The following TRAPPC9 variants were observed in gnomAD, a reference collection of about 807,000 sequenced individuals.
The protein encoded by TRAPPC9 is trafficking protein particle complex subunit 9, also known as IKK2 binding protein.
A neutral mutation model predicts 124.0 loss-of-function variants in TRAPPC9; 83 were observed. That is an observed-to-expected ratio of 0.67 (90% CI 0.56 to 0.80). The LOEUF (loss-of-function observed/expected upper bound fraction) is 0.80. Ranked by LOEUF, TRAPPC9 falls within the 30% of genes least tolerant of loss-of-function variation. TRAPPC9 has a pLI of 0.00. For missense variants in TRAPPC9, 1,302 were observed against 1,508.3 expected, an observed-to-expected ratio of 0.86 and a Z score of 2.27; for synonymous variants, 638 against 617.5, an observed-to-expected ratio of 1.03 and a Z score of -0.49.
At chr8:139,893,834 T>C (rs1486710436) in intron 20 of TRAPPC9, among the ~76,000 whole-genome samples, 1 of 152,004 alleles carries the variant, frequency 6.6e-6, no homozygotes, top group Non-Finnish European at 1.5e-5. Context: ...CTCGGGAAGG[T>C]CAAACAACTT....
intron 17 of TRAPPC9, among the ~76,000 whole-genome samples, chr8:140,181,190 A>G (rs1255904727): frequency 6.6e-6 from 1 of 152,074 alleles, no homozygotes; most frequent in African/African-American, 2.4e-5. Context: ...AATTGCATCT[A>G]GTCTCTTCTT....
At chr8:140,156,604 G>T (rs969900317) in intron 17 of TRAPPC9, among the ~76,000 whole-genome samples, 9 of 152,152 alleles carry the variant, frequency 5.9e-5, no homozygotes, top group Middle Eastern at 3.2e-3. Context: ...TGTAATATTC[G>T]AATGGAACTG....
At chr8:139,750,710 A>G (rs1471899852) in intron 21 of TRAPPC9, among the ~76,000 whole-genome samples, 1 of 152,198 alleles carries the variant, frequency 6.6e-6, no homozygotes, top group Non-Finnish European at 1.5e-5. Flanking sequence ...GGGGGCAGGA[A>G]CACCCTGGGC....
intron 21 of TRAPPC9, among the ~76,000 whole-genome samples, chr8:139,808,676 C>CATTTCTGTAAATCTGTCTCTA (rs1824228902): frequency 6.8e-6 from 1 of 147,312 alleles, no homozygotes; most frequent in Admixed American, 6.7e-5. Context: ...TACAGATTTA[C>CATTTCTGTAAATCTGTCTCTA]CAATTCTGGA....
At chr8:139,781,499 A>G (rs1437107348) in intron 21 of TRAPPC9, among the ~76,000 whole-genome samples, 1 of 152,282 alleles carries the variant, frequency 6.6e-6, no homozygotes, top group East Asian at 1.9e-4. Flanking sequence ...CAGAGAATAG[A>G]GGACATTTAG....
At chr8:139,796,428 G>C (rs1010459029) in intron 21 of TRAPPC9, among the ~76,000 whole-genome samples, 4 of 152,136 alleles carry the variant, frequency 2.6e-5, no homozygotes, top group Non-Finnish European at 4.4e-5. Flanking sequence ...ATCCCCACCA[G>C]CCAGCAACCA....
chr8:140,158,558 G>A (rs2061692893), intron 17 of TRAPPC9, among the ~76,000 whole-genome samples: 1 of 152,210 alleles, frequency 6.6e-6, no homozygotes, highest in Non-Finnish European at 1.5e-5. Flanking sequence ...GTTGTTTTAA[G>A]CCACTGAGTT....
chr8:139,806,501 C>G (rs191248444), intron 21 of TRAPPC9, among the ~76,000 whole-genome samples: 7 of 152,314 alleles, frequency 4.6e-5, no homozygotes, highest in African/African-American at 1.7e-4. Flanking sequence ...GTAGCAGCAG[C>G]AACAGGATTA....
At chr8:139,945,543 C>CAAAAAAAAAAAAAAAAAAAAAAAAAAAA (rs61528944) in intron 19 of TRAPPC9, among the ~76,000 whole-genome samples, 1 of 66,170 alleles carries the variant, frequency 1.5e-5, no homozygotes, top group African/African-American at 6.9e-5. Flanking sequence ...GCACAATTAG[C>CAAAAAAAAAAAAAAAAAAAAAAAAAAAA]AAAAAAAAAA....
intron 10 of TRAPPC9, among the ~76,000 whole-genome samples, chr8:140,304,863 A>G (rs2131847278): frequency 6.6e-6 from 1 of 152,288 alleles, no homozygotes; most frequent in Middle Eastern, 3.4e-3. Context: ...AAGTCAGTCA[A>G]CAGCAGGCCA....
chr8:139,811,173 C>T (rs970000764), intron 21 of TRAPPC9, among the ~76,000 whole-genome samples: 13 of 151,962 alleles, frequency 8.6e-5, no homozygotes, highest in African/African-American at 3.1e-4. Flanking sequence ...TAAAAAGGAA[C>T]TGAGAACAAG....
At chr8:140,426,538 T>C in intron 5 of TRAPPC9, 77 bp downstream of exon 5, 1 of 1,360,628 alleles carries the variant, frequency 7.3e-7, no homozygotes, top group South Asian at 1.2e-5. Flanking sequence ...CCAGAAATTT[T>C]AACCATTCAT....
intron 19 of TRAPPC9, among the ~76,000 whole-genome samples, chr8:139,963,369 T>TAAAGGA (rs1835468089): frequency 6.6e-6 from 1 of 152,180 alleles, no homozygotes; most frequent in Non-Finnish European, 1.5e-5. Flanking sequence ...AACCCTAGGC[T>TAAAGGA]TCCCAAGGAT....
chr8:139,908,201 C>T (rs185606074), intron 20 of TRAPPC9, among the ~76,000 whole-genome samples: 62 of 152,224 alleles, frequency 4.1e-4, no homozygotes, highest in African/African-American at 1.5e-3. Flanking sequence ...TATCTGAGCC[C>T]AAAGAGAGAT....
chr8:139,794,838 A>G (rs1822936219), intron 21 of TRAPPC9, among the ~76,000 whole-genome samples: 2 of 152,244 alleles, frequency 1.3e-5, no homozygotes, highest in Non-Finnish European at 2.9e-5. Flanking sequence ...CTGCACAAGT[A>G]GCAGTGGATG....
intron 19 of TRAPPC9, chr8:139,914,720 C>CA (rs1363039857): frequency 2.0e-5 from 3 of 152,250 alleles, no homozygotes; most frequent in Admixed American, 2.0e-4. Flanking sequence ...ACGGCTTTCT[C>CA]AATGAGCAAG....
At chr8:140,196,210 G>A (rs2062663494) in intron 17 of TRAPPC9, among the ~76,000 whole-genome samples, 1 of 43,262 alleles carries the variant, frequency 2.3e-5, no homozygotes, top group Non-Finnish European at 4.2e-5. Flanking sequence ...TCACACCTGT[G>A]ACACTAAAAC....
intron 9 of TRAPPC9, among the ~76,000 whole-genome samples, chr8:140,333,125 C>A (rs370485552): frequency 1.3e-3 from 177 of 139,022 alleles, no homozygotes; most frequent in East Asian, 1.6e-3. Context: ...GACTTTGTCT[C>A]AAAAAAAAAA....
At chr8:140,279,920 G>A (rs954350271) in intron 14 of TRAPPC9, among the ~76,000 whole-genome samples, 1 of 152,162 alleles carries the variant, frequency 6.6e-6, no homozygotes, top group Admixed American at 6.5e-5. Flanking sequence ...TTGGTGATCT[G>A]CCCTTAGCGT....
Sources: allele counts gnomAD v4.1 joint callset (sites outside exome capture counted in the v4.1 genomes callset), GRCh38; gene constraint gnomAD v4.1.1; transcripts MANE v1.5; gene names NCBI Gene and HGNC (gene_info 2026-07-23, HGNC 2026-07-21).